PDE4B: variants seen among roughly 807,000 people sequenced by gnomAD.
PDE4B encodes the protein phosphodiesterase 4B.
A neutral mutation model predicts 82.2 loss-of-function variants in PDE4B; 20 were observed. That is an observed-to-expected ratio of 0.24 (90% CI 0.17 to 0.35). PDE4B has a LOEUF of 0.35. Ranked by LOEUF, PDE4B falls within the 10% of genes least tolerant of loss-of-function variation. The pLI, the probability that PDE4B is intolerant of heterozygous loss-of-function variation, is 1.00. For synonymous variants in PDE4B, 320 were observed against 318.9 expected (o/e 1.00, Z -0.04); for missense variants, 655 against 907.2 (o/e 0.72, Z 3.57).
At chr1:66,054,375 C>T (rs1244011245) in intron 3 of PDE4B, among the ~76,000 whole-genome samples, 1 of 152,050 alleles carries the variant, frequency 6.6e-6, no homozygotes, top group African/African-American at 2.4e-5. Flanking sequence ...TTGGACATAT[C>T]CATACACCCA....
chr1:66,195,873 A>C (rs1341584661), intron 3 of PDE4B, among the ~76,000 whole-genome samples: 1 of 151,136 alleles, frequency 6.6e-6, no homozygotes, highest in Non-Finnish European at 1.5e-5. Flanking sequence ...TATTGAATTT[A>C]TTTCCAAGAG....
At position 66,165,337 on chromosome 1, in the gene PDE4B, T is replaced by C. The variant is rs1383444285; in HGVS notation, c.282-82123T>C. Among the ~76,000 whole-genome samples, 3 of 152,202 alleles carry C rather than the reference T, an allele frequency of 2.0e-5. No homozygotes were observed. In the East Asian group the frequency reaches 5.8e-4, roughly 29 times the overall value. On this transcript the variant is annotated intron_variant, in intron 3 of 16. Transcript: ENST00000341517. ...ATAAGAGATGCAAATTGCAGTTCAT[T>C]ATTTTTTCTAAGACTATTATCTGAG...
At chr1:66,316,725 A>G (rs1242278466) in intron 7 of PDE4B, among the ~76,000 whole-genome samples, 1 of 152,272 alleles carries the variant, frequency 6.6e-6, no homozygotes, top group Non-Finnish European at 1.5e-5. Flanking sequence ...TGCATTAGAA[A>G]GGAACCAACA....
intron 1 of PDE4B, among the ~76,000 whole-genome samples, chr1:65,802,523 ATAGT>A (rs1011867496): frequency 6.6e-5 from 10 of 152,280 alleles, no homozygotes; most frequent in Admixed American, 1.3e-4. Flanking sequence ...ATTATGAGAA[ATAGT>A]TTGTTTGTGT....
At chr1:66,371,263 A>G (rs148841809) in intron 16 of PDE4B, among the ~76,000 whole-genome samples, 3 of 150,804 alleles carry the variant, frequency 2.0e-5, no homozygotes, top group Non-Finnish European at 4.4e-5. Context: ...AAAGAGACCT[A>G]TATAATGTCC....
At chr1:65,956,319 A>C (rs1321992355) in intron 3 of PDE4B, among the ~76,000 whole-genome samples, 1 of 152,112 alleles carries the variant, frequency 6.6e-6, no homozygotes, top group East Asian at 1.9e-4. Context: ...CAGGAAACAA[A>C]AGGTGCTGGT....
chr1:66,037,290 G>A (rs1359521357), intron 3 of PDE4B, among the ~76,000 whole-genome samples: 1 of 151,910 alleles, frequency 6.6e-6, no homozygotes, highest in Non-Finnish European at 1.5e-5. Flanking sequence ...CTTTTCATTT[G>A]TCATCAATGT....
At chr1:66,051,816 A>G (rs1000524010) in intron 3 of PDE4B, among the ~76,000 whole-genome samples, 6 of 152,178 alleles carry the variant, frequency 3.9e-5, no homozygotes, top group Admixed American at 1.3e-4. Flanking sequence ...CTTATAGATT[A>G]TTATCACTCA....
chr1:66,015,161 T>C (rs1652697937), intron 3 of PDE4B, among the ~76,000 whole-genome samples: 1 of 152,186 alleles, frequency 6.6e-6, no homozygotes, highest in South Asian at 2.1e-4. Flanking sequence ...ATTTTGTCCA[T>C]TTATGCATTC....
At chr1:65,981,105 G>A (rs189916643) in intron 3 of PDE4B, among the ~76,000 whole-genome samples, 298 of 152,142 alleles carry the variant, frequency 2.0e-3, no homozygotes, top group African/African-American at 6.9e-3. Flanking sequence ...AGGTGTGTCC[G>A]TTAGAAGGTA....
chr1:66,123,251 C>T (rs1268252671), intron 3 of PDE4B, among the ~76,000 whole-genome samples: 1 of 152,064 alleles, frequency 6.6e-6, no homozygotes, highest in Non-Finnish European at 1.5e-5. Context: ...CTGAGTTCAA[C>T]GTGTATGATA....
chr1:65,933,962 A>T (rs1420771662), intron 3 of PDE4B, among the ~76,000 whole-genome samples: 1 of 152,222 alleles, frequency 6.6e-6, no homozygotes, highest in Admixed American at 6.5e-5. Flanking sequence ...AACATCTATA[A>T]CATAGTGTGT....
chr1:66,281,151 T>C (rs1312862353), intron 7 of PDE4B, among the ~76,000 whole-genome samples: 1 of 152,214 alleles, frequency 6.6e-6, no homozygotes, highest in Non-Finnish European at 1.5e-5. Flanking sequence ...ATACTTTTAC[T>C]CCAGTTGTAA....
chr1:66,046,505 A>G (rs1485924363), intron 3 of PDE4B, among the ~76,000 whole-genome samples: 1 of 151,892 alleles, frequency 6.6e-6, no homozygotes, highest in African/African-American at 2.4e-5. Context: ...GTGAAGAAAT[A>G]TGATAGAGAT....
chr1:66,088,166 GAA>G (rs1301217337), intron 3 of PDE4B, among the ~76,000 whole-genome samples: 1 of 150,170 alleles, frequency 6.7e-6, no homozygotes, highest in African/African-American at 2.5e-5. Context: ...GTGAAGCAGA[GAA>G]GAGGGGTGGG....
At chr1:66,277,269 T>A (rs1343137963) in intron 7 of PDE4B, among the ~76,000 whole-genome samples, 1 of 152,152 alleles carries the variant, frequency 6.6e-6, no homozygotes, top group Non-Finnish European at 1.5e-5. Flanking sequence ...AGCAGAACAT[T>A]TGTAAGTCAT....
At chr1:66,220,171 A>C (rs1650857755) in intron 3 of PDE4B, among the ~76,000 whole-genome samples, 1 of 152,168 alleles carries the variant, frequency 6.6e-6, no homozygotes, top group African/African-American at 2.4e-5. Flanking sequence ...GCAGCCAAAA[A>C]GTTCACAAGA....
At chr1:65,922,019 TA>T (rs1248245036) in intron 3 of PDE4B, among the ~76,000 whole-genome samples, 4 of 152,200 alleles carry the variant, frequency 2.6e-5, no homozygotes, top group Admixed American at 2.6e-4. Context: ...GATTTTATCA[TA>T]TGTTTATTTG....
intron 3 of PDE4B, among the ~76,000 whole-genome samples, chr1:65,953,146 A>T (rs1005331582): frequency 3.3e-5 from 5 of 151,848 alleles, no homozygotes; most frequent in Middle Eastern, 3.2e-3. Context: ...CTGTCTTAAG[A>T]CCCTTCTGTC....
Sources: gnomAD v4.1 joint callset for allele counts (sites outside exome capture counted in the v4.1 genomes callset) on GRCh38, gnomAD v4.1.1 for gene constraint, MANE v1.5 for transcripts, NCBI Gene and HGNC (gene_info 2026-07-23, HGNC 2026-07-21) for gene names.